Variants in SKAP2 observed in about 807,000 individuals in gnomAD.
The protein encoded by SKAP2 is src kinase-associated phosphoprotein 2.
In SKAP2, 28 loss-of-function variants were observed where a neutral mutation model predicts 54.9. The ratio of observed to expected loss-of-function variants is 0.51; its 90% CI spans 0.38 to 0.70. The LOEUF is 0.70. SKAP2 is among the 30% of genes least tolerant of loss of function. The pLI is 0.00. For synonymous variants in SKAP2, 137 were observed against 134.3 expected, an observed-to-expected ratio of 1.02 and a Z score of -0.14; for missense variants, 356 against 424.1, an observed-to-expected ratio of 0.84 and a Z score of 1.41.
intron 4 of SKAP2, among the ~76,000 whole-genome samples, chr7:26,841,150 T>A (rs1784808981): frequency 6.6e-6 from 1 of 152,054 alleles, no homozygotes; most frequent in Non-Finnish European, 1.5e-5. Context: ...GACTATAGAA[T>A]CTCCATCTGT....
chr7:26,715,068 T>C (rs1257156848), intron 9 of SKAP2, among the ~76,000 whole-genome samples: 3 of 152,192 alleles, frequency 2.0e-5, no homozygotes, highest in Non-Finnish European at 4.4e-5. Context: ...TGGTACAGTG[T>C]TAGGATTTTT....
At chr7:26,692,150 G>C (rs1786799138) in intron 9 of SKAP2, among the ~76,000 whole-genome samples, 1 of 151,900 alleles carries the variant, frequency 6.6e-6, no homozygotes, top group African/African-American at 2.4e-5. Flanking sequence ...AAGAGGTAAA[G>C]GAACTAGAAT....
intron 4 of SKAP2, among the ~76,000 whole-genome samples, chr7:26,757,925 C>T (rs1782832957): frequency 6.6e-6 from 1 of 152,116 alleles, no homozygotes; most frequent in Non-Finnish European, 1.5e-5. Flanking sequence ...CCACGCCTGG[C>T]TAATTTTTTG....
At chr7:26,804,771 G>C (rs1434758624) in intron 4 of SKAP2, among the ~76,000 whole-genome samples, 1 of 148,846 alleles carries the variant, frequency 6.7e-6, no homozygotes, top group Non-Finnish European at 1.5e-5. Flanking sequence ...AATTTTTAAT[G>C]CAGGAATAAA....
At chr7:26,757,204 T>C (rs1334380263) in intron 4 of SKAP2, among the ~76,000 whole-genome samples, 1 of 152,218 alleles carries the variant, frequency 6.6e-6, no homozygotes. Context: ...ATTTTGTCTT[T>C]TGTTGCCATT....
chr7:26,807,126 C>T (rs1584401265), intron 4 of SKAP2, among the ~76,000 whole-genome samples: 1 of 152,082 alleles, frequency 6.6e-6, no homozygotes, highest in East Asian at 1.9e-4. Flanking sequence ...TGGTTTCTTG[C>T]GATGGAATCT....
At chr7:26,738,150 A>T (rs1203604903) in intron 6 of SKAP2, among the ~76,000 whole-genome samples, 1 of 152,192 alleles carries the variant, frequency 6.6e-6, no homozygotes, top group African/African-American at 2.4e-5. Flanking sequence ...AAATTCCTAG[A>T]TCTGCCATTT....
chr7:26,775,563 G>C (rs1783287046), intron 4 of SKAP2, among the ~76,000 whole-genome samples: 1 of 134,880 alleles, frequency 7.4e-6, no homozygotes, highest in African/African-American at 3.2e-5. Context: ...GTGTGTGTGT[G>C]TGTGTGTTTT....
downstream of SKAP2, among the ~76,000 whole-genome samples, chr7:26,662,757 C>G (rs1464281456): frequency 6.6e-6 from 1 of 152,056 alleles, no homozygotes; most frequent in Non-Finnish European, 1.5e-5. Context: ...TCAGGTTTTT[C>G]AATTCAGGAT....
At chr7:26,678,232 C>T (rs1258511461) in intron 11 of SKAP2, among the ~76,000 whole-genome samples, 1 of 152,046 alleles carries the variant, frequency 6.6e-6, no homozygotes, top group Admixed American at 6.5e-5. Flanking sequence ...AACACTTTTT[C>T]ATTCCCTCCC....
chr7:26,746,733 G>A (rs910025055), intron 4 of SKAP2: 6 of 150,708 alleles, frequency 4.0e-5, no homozygotes, highest in Admixed American at 3.3e-4. Flanking sequence ...CTAATTCCAG[G>A]ACTTCATGAA....
At chr7:26,768,139 T>C (rs1783102042) in intron 4 of SKAP2, among the ~76,000 whole-genome samples, 1 of 152,218 alleles carries the variant, frequency 6.6e-6, no homozygotes, top group Non-Finnish European at 1.5e-5. Flanking sequence ...ATCTGGGTGC[T>C]CCTGTATTGG....
intron 4 of SKAP2, among the ~76,000 whole-genome samples, chr7:26,833,351 G>A (rs544427205): frequency 7.4e-5 from 11 of 148,150 alleles, no homozygotes; most frequent in East Asian, 4.0e-4. Flanking sequence ...AGCTGAGATC[G>A]CGCCACTGCA....
chr7:26,835,146 C>G (rs1329138676), intron 4 of SKAP2, among the ~76,000 whole-genome samples: 1 of 152,116 alleles, frequency 6.6e-6, no homozygotes, highest in African/African-American at 2.4e-5. Context: ...AATTCAGCAG[C>G]CCTTCATGCA....
intron 9 of SKAP2, among the ~76,000 whole-genome samples, chr7:26,697,558 C>G (rs537342652): frequency 6.6e-6 from 1 of 152,174 alleles, no homozygotes; most frequent in Admixed American, 6.5e-5. Context: ...TTCTAAAATT[C>G]TTTTAGTCCA....
chr7:26,837,967 T>G (rs1327049952), intron 4 of SKAP2, among the ~76,000 whole-genome samples: 1 of 152,210 alleles, frequency 6.6e-6, no homozygotes. Flanking sequence ...TGCCACTATG[T>G]AGCTATATGC....
chr7:26,684,808 C>T lies in SKAP2; in HGVS notation c.915G>A (p.Leu305=), dbSNP rs757128546. ...CAGAAAAAGCTCCAGTACAATCCCA[C>T]AATCCCTGGTAAAAATTAGCATAAT... ...STDYANFYQG[L]WDCTGAFSDE... Residue 305 remains leucine (L), a synonymous_variant, in exon 11 of 13, where the codon TTG becomes TTA. Coordinates refer to ENST00000345317, the MANE Select transcript of SKAP2 (RefSeq NM_003930.5). The T allele has an allele frequency of 5.6e-6, 9 of 1,612,876 alleles. No homozygotes were observed. The highest frequency in any genetic ancestry group is 5.9e-6 in the Non-Finnish European group (7 of 1,179,082).
At chr7:26,694,286 C>T (rs1389894199) in intron 9 of SKAP2, among the ~76,000 whole-genome samples, 2 of 152,078 alleles carry the variant, frequency 1.3e-5, no homozygotes, top group Non-Finnish European at 2.9e-5. Flanking sequence ...CATCAAACCA[C>T]ACAGATGGTT....
At chr7:26,657,611 T>C in the SKAP2 span, among the ~76,000 whole-genome samples, 1 of 152,038 alleles carries the variant, frequency 6.6e-6, no homozygotes, top group Non-Finnish European at 1.5e-5. Flanking sequence ...TGCACTGCAG[T>C]CTCATAAAGC....
Sources: allele counts gnomAD v4.1 joint callset (sites outside exome capture counted in the v4.1 genomes callset), GRCh38; gene constraint gnomAD v4.1.1; transcripts MANE v1.5; gene names NCBI Gene and HGNC (gene_info 2026-07-23, HGNC 2026-07-21).